MAGI2: variants seen among roughly 807,000 people sequenced by gnomAD.
MAGI2 encodes the protein membrane-associated guanylate kinase, WW and PDZ domain-containing protein 2.
A neutral mutation model predicts 133.3 loss-of-function variants in MAGI2; 35 were observed. That is an observed-to-expected ratio of 0.26 (90% CI 0.20 to 0.35). The LOEUF (loss-of-function observed/expected upper bound fraction) is 0.35. Among genes scored for constraint, MAGI2 ranks in the 10% least tolerant of loss-of-function variants. The probability of loss-of-function intolerance (pLI) is 1.00; values close to 1 mark genes in which losing one functional copy is unlikely to be tolerated. For missense variants in MAGI2, 1,636 were observed against 1,863.4 expected, an observed-to-expected ratio of 0.88 and a Z score of 2.25; for synonymous variants, 729 against 710.6, an observed-to-expected ratio of 1.03 and a Z score of -0.41.
intron 2 of MAGI2, among the ~76,000 whole-genome samples, chr7:78,935,581 A>G (rs1029149207): frequency 3.3e-5 from 5 of 152,136 alleles, no homozygotes; most frequent in African/African-American, 1.2e-4. Flanking sequence ...TGGAATGTCT[A>G]CCTATAACAA....
At chr7:78,301,663 A>C (rs961076070) in intron 9 of MAGI2, among the ~76,000 whole-genome samples, 1 of 152,120 alleles carries the variant, frequency 6.6e-6, no homozygotes, top group Non-Finnish European at 1.5e-5. Context: ...TGATGATTGG[A>C]AACTTTTCTT....
chr7:78,487,204 A>G (rs1369994419), intron 6 of MAGI2: 2 of 242,812 alleles, frequency 8.2e-6, no homozygotes, highest in Non-Finnish European at 1.6e-5. Flanking sequence ...AAAATACCAA[A>G]TAGCATTGCT....
chr7:79,395,854 T>A (rs1845009424), intron 1 of MAGI2, among the ~76,000 whole-genome samples: 1 of 152,148 alleles, frequency 6.6e-6, no homozygotes. Context: ...CCATTCAATG[T>A]AAGGAGAATG....
At chr7:78,303,378 CAAAAAA>C (rs11377993) in intron 9 of MAGI2, among the ~76,000 whole-genome samples, 3 of 33,348 alleles carry the variant, frequency 9.0e-5, no homozygotes, top group Non-Finnish European at 1.5e-4. Flanking sequence ...AAACTGTCTC[CAAAAAA>C]AAAAAAAAAA....
intron 1 of MAGI2, among the ~76,000 whole-genome samples, chr7:79,104,779 C>T (rs1407484521): frequency 3.3e-5 from 5 of 152,070 alleles, no homozygotes; most frequent in Non-Finnish European, 5.9e-5. Flanking sequence ...GAGGAAAGGA[C>T]CTTCTCCTGT....
chr7:79,220,542 T>C (rs1830370068), intron 1 of MAGI2, among the ~76,000 whole-genome samples: 1 of 151,888 alleles, frequency 6.6e-6, no homozygotes, highest in Non-Finnish European at 1.5e-5. Flanking sequence ...TGCACTCCCA[T>C]GAAAGATGGA....
intron 14 of MAGI2, among the ~76,000 whole-genome samples, chr7:78,171,428 C>A (rs1826098636): frequency 1.3e-5 from 2 of 152,306 alleles, no homozygotes; most frequent in South Asian, 4.1e-4. Flanking sequence ...CCATGAGAGT[C>A]TGATGCTGCA....
chr7:78,167,866 G>T (rs1825761139), intron 15 of MAGI2, 50 bp downstream of exon 15: 1 of 1,547,682 alleles, frequency 6.5e-7, no homozygotes, highest in Non-Finnish European at 8.8e-7. Flanking sequence ...TCTCACAAAA[G>T]CATCTTACCA....
At chr7:79,062,239 A>C (rs1813824527) in intron 1 of MAGI2, among the ~76,000 whole-genome samples, 1 of 151,984 alleles carries the variant, frequency 6.6e-6, no homozygotes, top group African/African-American at 2.4e-5. Flanking sequence ...CACAGCTCAT[A>C]CCCCAAGTCC....
chr7:79,135,996 A>AC, intron 1 of MAGI2, among the ~76,000 whole-genome samples: 1 of 40,372 alleles, frequency 2.5e-5, no homozygotes, highest in African/African-American at 4.8e-5. Flanking sequence ...AGAAAGAAAG[A>AC]AAGAAAGAGA....
At chr7:78,669,098 C>A (rs1455475511) in intron 2 of MAGI2, among the ~76,000 whole-genome samples, 1 of 151,876 alleles carries the variant, frequency 6.6e-6, no homozygotes, top group South Asian at 2.1e-4. Context: ...AATAGAGACA[C>A]AAAAAACCTT....
At chr7:79,126,234 G>A (rs1278615544) in intron 1 of MAGI2, among the ~76,000 whole-genome samples, 1 of 152,180 alleles carries the variant, frequency 6.6e-6, no homozygotes, top group African/African-American at 2.4e-5. Flanking sequence ...ACTTGTAGTA[G>A]GCAGACACTA....
intron 3 of MAGI2, among the ~76,000 whole-genome samples, chr7:78,551,810 A>T (rs1799355976): frequency 6.6e-6 from 1 of 151,998 alleles, no homozygotes; most frequent in Non-Finnish European, 1.5e-5. Context: ...AGCGGTGCGA[A>T]CCTGGCTCAC....
At chr7:79,451,441 C>T (rs1013679140) in intron 1 of MAGI2, among the ~76,000 whole-genome samples, 1 of 152,140 alleles carries the variant, frequency 6.6e-6, no homozygotes, top group Admixed American at 6.6e-5. Context: ...GGTATCTTAT[C>T]TTCAAAAATA....
In MAGI2 at chr7:79,231,068, G is replaced by C. The variant is rs1042748711; in HGVS notation, c.301+221952C>G. Among the ~76,000 whole-genome samples, 259 of 134,586 alleles carry C rather than the reference G, an allele frequency of 1.9e-3. 1 individual carries two copies. Among genetic ancestry groups the C allele is most frequent in the African/African-American group, 5.3e-3 (200 of 37,542 alleles). 88.3% of individuals were successfully genotyped at this position (134,586 alleles called of 152,430 possible). On this transcript the variant is annotated intron_variant, in intron 1 of 21. Transcript: ENST00000354212. ...ATAGGGAATCCTTTCCCCATTGCTTGTTTTTCTCAGGTTTGTCAAAGATCA... is the reference window on the plus strand; with the variant it reads ...ATAGGGAATCCTTTCCCCATTGCTTCTTTTTCTCAGGTTTGTCAAAGATCA...
intron 6 of MAGI2, among the ~76,000 whole-genome samples, chr7:78,489,211 G>A (rs1338052112): frequency 2.0e-5 from 3 of 151,886 alleles, no homozygotes; most frequent in South Asian, 4.2e-4. Flanking sequence ...GCACGAAAAC[G>A]GTCTATTTTA....
At chr7:78,586,361 C>G (rs994619791) in intron 3 of MAGI2, among the ~76,000 whole-genome samples, 8 of 151,850 alleles carry the variant, frequency 5.3e-5, no homozygotes, top group Non-Finnish European at 1.0e-4. Flanking sequence ...GAGTCCCCCC[C>G]AAACACCCCC....
At chr7:78,075,190 T>C (rs1384859191) in intron 21 of MAGI2, among the ~76,000 whole-genome samples, 1 of 152,016 alleles carries the variant, frequency 6.6e-6, no homozygotes, top group Non-Finnish European at 1.5e-5. Context: ...CCAGGGAATT[T>C]TCTTGAGCAG....
intron 1 of MAGI2, among the ~76,000 whole-genome samples, chr7:79,218,102 A>G (rs969332571): frequency 6.6e-6 from 1 of 152,050 alleles, no homozygotes; most frequent in South Asian, 2.1e-4. Flanking sequence ...CCTGATATGC[A>G]AAGAGCAGGA....
Sources: allele counts gnomAD v4.1 joint callset (sites outside exome capture counted in the v4.1 genomes callset), GRCh38; gene constraint gnomAD v4.1.1; transcripts MANE v1.5; gene names NCBI Gene and HGNC (gene_info 2026-07-23, HGNC 2026-07-21).